Variants in PLXDC2 observed in about 807,000 individuals in gnomAD.
PLXDC2 encodes plexin domain containing 2, also known as plexin domain-containing protein 2.
A neutral mutation model predicts 68.9 loss-of-function variants in PLXDC2; 40 were observed. That is an observed-to-expected ratio of 0.58 (90% confidence interval 0.45 to 0.76). The LOEUF (loss-of-function observed/expected upper bound fraction) is 0.76, where lower values mean the gene tolerates loss of function less well. PLXDC2 is among the 30% of genes least tolerant of loss of function. PLXDC2 has a pLI of 0.00. For synonymous variants in PLXDC2, 243 were observed against 234.2 expected (o/e 1.04, Z -0.34); for missense variants, 644 against 661.9 (o/e 0.97, Z 0.30).
intron 1 of PLXDC2, among the ~76,000 whole-genome samples, chr10:19,829,600 G>C (rs534517549): frequency 2.0e-5 from 3 of 152,044 alleles, no homozygotes; most frequent in African/African-American, 4.8e-5. Context: ...GTGGTGGCGG[G>C]CACCTGTAGT....
intron 3 of PLXDC2, among the ~76,000 whole-genome samples, chr10:20,051,033 A>G (rs1356262573): frequency 6.6e-6 from 1 of 152,134 alleles, no homozygotes; most frequent in African/African-American, 2.4e-5. Context: ...GTACATATAC[A>G]CTATGGAATA....
intron 1 of PLXDC2, among the ~76,000 whole-genome samples, chr10:19,832,478 T>C (rs988696772): frequency 6.6e-6 from 1 of 152,242 alleles, no homozygotes; most frequent in African/African-American, 2.4e-5. Context: ...AGATGATACA[T>C]GTTACACATG....
At chr10:20,114,648 C>A (rs186605181) in intron 4 of PLXDC2, among the ~76,000 whole-genome samples, 2 of 152,058 alleles carry the variant, frequency 1.3e-5, no homozygotes, top group South Asian at 2.1e-4. Flanking sequence ...TCTTCACAGA[C>A]GAGGAGAAGC....
At chr10:20,249,947 T>TA (rs1180624078) in intron 13 of PLXDC2, among the ~76,000 whole-genome samples, 4 of 152,176 alleles carry the variant, frequency 2.6e-5, no homozygotes, top group Non-Finnish European at 4.4e-5. Flanking sequence ...GTTCCTGTGC[T>TA]AAACAGCGTA....
intron 1 of PLXDC2, among the ~76,000 whole-genome samples, chr10:19,922,838 C>G (rs1833482613): frequency 6.6e-6 from 1 of 152,266 alleles, no homozygotes; most frequent in South Asian, 2.1e-4. Flanking sequence ...CAGACACTGA[C>G]TCATTGAACT....
intron 1 of PLXDC2, among the ~76,000 whole-genome samples, chr10:19,932,807 T>G (rs1229425716): frequency 6.6e-6 from 1 of 152,206 alleles, no homozygotes; most frequent in Non-Finnish European, 1.5e-5. Context: ...AAACCAAATG[T>G]TCTTCTGAAT....
At chr10:20,019,457 A>G (rs879568492) in intron 2 of PLXDC2, among the ~76,000 whole-genome samples, 1 of 152,164 alleles carries the variant, frequency 6.6e-6, no homozygotes, top group Non-Finnish European at 1.5e-5. Flanking sequence ...GCCTGGTGCT[A>G]TGAACTGAAT....
At chr10:20,194,704 T>C (rs2131842292) in intron 9 of PLXDC2, among the ~76,000 whole-genome samples, 1 of 152,024 alleles carries the variant, frequency 6.6e-6, no homozygotes, top group Non-Finnish European at 1.5e-5. Flanking sequence ...GTTACATATG[T>C]ATACATGTGC....
At chr10:20,052,722 C>CAAAAAAAAAAAAAAAAAAAAAAAGA (rs59776582) in intron 3 of PLXDC2, among the ~76,000 whole-genome samples, 2 of 92,826 alleles carry the variant, frequency 2.2e-5, no homozygotes, top group African/African-American at 3.8e-5. Flanking sequence ...ACAAATTATG[C>CAAAAAAAAAAAAAAAAAAAAAAAGA]AAAAAAAAAA....
At chr10:19,905,353 T>A (rs531594143) in intron 1 of PLXDC2, among the ~76,000 whole-genome samples, 1 of 152,220 alleles carries the variant, frequency 6.6e-6, no homozygotes, top group African/African-American at 2.4e-5. Flanking sequence ...TTTACTGAGA[T>A]GTAAAACTTT....
At chr10:20,103,940 G>T (rs998891736) in intron 4 of PLXDC2, among the ~76,000 whole-genome samples, 2 of 152,202 alleles carry the variant, frequency 1.3e-5, no homozygotes, top group Non-Finnish European at 2.9e-5. Context: ...ACCGTGCCCG[G>T]CTGACACATC....
chr10:20,124,730 A>G (rs1269649722), intron 4 of PLXDC2, among the ~76,000 whole-genome samples: 2 of 151,482 alleles, frequency 1.3e-5, no homozygotes, highest in East Asian at 1.9e-4. Flanking sequence ...GGGGGTCACA[A>G]GGTACTCAGT....
intron 1 of PLXDC2, among the ~76,000 whole-genome samples, chr10:19,927,167 G>C (rs1020628619): frequency 2.6e-5 from 4 of 152,102 alleles, no homozygotes; most frequent in African/African-American, 9.7e-5. Context: ...TTAGAATTCT[G>C]GGAATAAAAA....
chr10:20,093,029 T>A (rs2131732163), intron 4 of PLXDC2, among the ~76,000 whole-genome samples: 1 of 152,292 alleles, frequency 6.6e-6, no homozygotes, highest in Non-Finnish European at 1.5e-5. Context: ...TAAATGCATG[T>A]TGTTTTAAGC....
chr10:19,919,618 G>A (rs1354197382), intron 1 of PLXDC2, among the ~76,000 whole-genome samples: 2 of 152,218 alleles, frequency 1.3e-5, no homozygotes, highest in Admixed American at 6.5e-5. Context: ...TATTTCTTAT[G>A]GACATGTTTG....
chr10:19,883,115 C>A (rs1384831745), intron 1 of PLXDC2, among the ~76,000 whole-genome samples: 1 of 151,910 alleles, frequency 6.6e-6, no homozygotes, highest in Non-Finnish European at 1.5e-5. Flanking sequence ...CGCCACCACG[C>A]CCGGCTAATT....
At chr10:19,893,007 T>G (rs61525779) in intron 1 of PLXDC2, among the ~76,000 whole-genome samples, 1 of 151,918 alleles carries the variant, frequency 6.6e-6, no homozygotes, top group African/African-American at 2.4e-5. Flanking sequence ...CCATAGATAT[T>G]TAGAGATCTA....
chr10:20,013,581 A>G (rs1383092108), intron 2 of PLXDC2, among the ~76,000 whole-genome samples: 2 of 152,152 alleles, frequency 1.3e-5, no homozygotes, highest in Non-Finnish European at 2.9e-5. Flanking sequence ...TATTATTTGA[A>G]TGGAAATCTT....
At chr10:20,238,692 T>TATATATATATATATATATATATATATAA (rs778584936) in intron 12 of PLXDC2, among the ~76,000 whole-genome samples, 2 of 118,306 alleles carry the variant, frequency 1.7e-5, no homozygotes, top group East Asian at 2.5e-4. Context: ...TATATATATA[T>TATATATATATATATATATATATATATAA]ACACACATAT....
Sources: gnomAD v4.1 joint callset for allele counts (sites outside exome capture counted in the v4.1 genomes callset) on GRCh38, gnomAD v4.1.1 for gene constraint, MANE v1.5 for transcripts, NCBI Gene and HGNC (gene_info 2026-07-23, HGNC 2026-07-21) for gene names.